Variants in WDR20 observed in about 807,000 individuals in gnomAD.
WDR20 encodes WD repeat domain 20.
WDR20 carries 3 observed loss-of-function variants against 38.7 expected under a neutral mutation model. The observed-to-expected ratio is 0.08, with a 90% CI of 0.04 to 0.20. The LOEUF is 0.20. Among genes scored for constraint, WDR20 ranks in the 10% least tolerant of loss-of-function variants. The pLI is 1.00. For synonymous variants in WDR20, 298 were observed against 285.6 expected, an observed-to-expected ratio of 1.04 and a Z score of -0.44; for missense variants, 559 against 727.7, an observed-to-expected ratio of 0.77 and a Z score of 2.67.
At chr14:102,157,856 T>G (rs759094332) in intron 1 of WDR20, among the ~76,000 whole-genome samples, 16 of 152,152 alleles carry the variant, frequency 1.1e-4, no homozygotes, top group Non-Finnish European at 2.1e-4. Flanking sequence ...TGTTGGCCTC[T>G]TTTAGAATTC....
chr14:102,173,765 C>T (rs910741849), intron 1 of WDR20, among the ~76,000 whole-genome samples: 6 of 152,062 alleles, frequency 3.9e-5, no homozygotes, highest in South Asian at 4.1e-4. Context: ...GAATAACTAG[C>T]CGGGCGAGGT....
intron 1 of WDR20, among the ~76,000 whole-genome samples, chr14:102,161,655 G>A (rs989949499): frequency 5.3e-5 from 8 of 152,084 alleles, no homozygotes; most frequent in African/African-American, 1.9e-4. Flanking sequence ...AAATTCCACA[G>A]GTACAGTGGG....
At chr14:102,219,026 T>C (rs1216679284), downstream of WDR20, among the ~76,000 whole-genome samples, 1 of 152,126 alleles carries the variant, frequency 6.6e-6, no homozygotes, top group Non-Finnish European at 1.5e-5. Context: ...GCAGGCGGAT[T>C]GGGGCAGCAG....
chr14:102,139,550 T>G (rs1003312931), upstream of WDR20: 83 of 851,202 alleles, frequency 9.8e-5, no homozygotes, highest in Admixed American at 1.2e-4. Context: ...CACCTCAGGC[T>G]CATGACACCA....
At chr14:102,174,340 A>C (rs771412789) in intron 1 of WDR20, among the ~76,000 whole-genome samples, 7 of 152,114 alleles carry the variant, frequency 4.6e-5, no homozygotes, top group African/African-American at 1.7e-4. Flanking sequence ...TAGCGGTTGT[A>C]CTAGTTTACA....
At chr14:102,183,255 C>G (rs896511749) in intron 1 of WDR20, among the ~76,000 whole-genome samples, 3 of 152,342 alleles carry the variant, frequency 2.0e-5, no homozygotes, top group East Asian at 1.9e-4. Flanking sequence ...AAGATCAGCT[C>G]TCTGTTACCC....
chr14:102,197,335 G>T (rs1352816663), intron 2 of WDR20, among the ~76,000 whole-genome samples: 2 of 152,230 alleles, frequency 1.3e-5, no homozygotes, highest in Admixed American at 6.5e-5. Context: ...TACTGGGCAC[G>T]TGTCAGCACA....
intron 1 of WDR20, among the ~76,000 whole-genome samples, chr14:102,192,113 G>A (rs2058607878): frequency 6.6e-6 from 1 of 151,990 alleles, no homozygotes; most frequent in Non-Finnish European, 1.5e-5. Context: ...CAAGAGCAGT[G>A]ACCTAAGAAG....
intron 1 of WDR20, among the ~76,000 whole-genome samples, chr14:102,190,215 A>G (rs2065975839): frequency 6.6e-6 from 1 of 152,146 alleles, no homozygotes; most frequent in Admixed American, 6.6e-5. Context: ...GGTGACTAGG[A>G]TTGGATTGGA....
intron 1 of WDR20, among the ~76,000 whole-genome samples, chr14:102,164,199 T>C (rs947984469): frequency 6.6e-6 from 1 of 151,742 alleles, no homozygotes; most frequent in African/African-American, 2.4e-5. Flanking sequence ...CCTCTACCCT[T>C]AGACTCATGA....
chr14:102,168,039 A>G (rs1355103502), intron 1 of WDR20, among the ~76,000 whole-genome samples: 1 of 152,196 alleles, frequency 6.6e-6, no homozygotes, highest in Non-Finnish European at 1.5e-5. Flanking sequence ...GTTTGGTGAC[A>G]TGATATATTT....
rs1206213953 is a variant in WDR20, at chr14:102,221,906, TG to T, written c.1693-920del. Among the ~76,000 whole-genome samples the T allele has an allele frequency of 1.3e-5, 2 of 152,212 alleles. No homozygotes were observed. Among genetic ancestry groups the T allele is most frequent in the African/African-American group, 2.4e-5 (1 of 41,434 alleles). ...TCCCAGAGCTGAAAATGTGCACCTT[TG>T]GGGCTGCACTGTCGCCATCTTAATG... On this transcript the variant is annotated intron_variant, in intron 3 of 3. Coordinates refer to the WDR20 transcript ENST00000335263. The surrounding 1 kb of genome is among the most constrained non-coding windows in gnomAD (Gnocchi z 4.8).
At chr14:102,176,330 G>A (rs1178824171) in intron 1 of WDR20, among the ~76,000 whole-genome samples, 1 of 151,966 alleles carries the variant, frequency 6.6e-6, no homozygotes, top group African/African-American at 2.4e-5. Context: ...AGGAGGCAGA[G>A]GTTGCAGTGA....
In WDR20 at chr14:102,222,720, A is replaced by G; in HGVS notation, c.1693-110A>G. 1 of 1,145,794 alleles carries G rather than the reference A, an allele frequency of 8.7e-7. No individual in the cohort carries two copies. The highest frequency in any genetic ancestry group is 1.3e-6 in the Non-Finnish European group (1 of 761,180). 71.0% of individuals were successfully genotyped at this position (1,145,794 alleles called of 1,614,324 possible). A position where few individuals can be genotyped will look rare whatever the true frequency, so the allele number is the denominator to read the frequency against. ...AGGGTTTGCTCCCACACTGGCTTCC[A>G]CATCAACAGCACCAGTTTTGACCAC... On this transcript the variant is annotated intron_variant, in intron 3 of 3. Coordinates refer to the WDR20 transcript ENST00000335263. This position sits in a 1 kb window ranked among gnomAD's most constrained non-coding sequence, Gnocchi z 4.4.
chr14:102,193,562 C>T, intron 1 of WDR20: 1 of 1,583,454 alleles, frequency 6.3e-7, no homozygotes, highest in South Asian at 1.1e-5. Context: ...ATTCCTTTGC[C>T]CTGGGGCTCC....
downstream of WDR20, among the ~76,000 whole-genome samples, chr14:102,210,844 G>A (rs1168188332): frequency 6.6e-6 from 1 of 152,188 alleles, no homozygotes; most frequent in Non-Finnish European, 1.5e-5. Flanking sequence ...ACTTCTCCCT[G>A]ACATGGCCCT....
In WDR20 at chr14:102,178,157, T is replaced by C. The variant is rs1444850314; in HGVS notation, c.250-16781T>C. ...CTGTAATCCCAGCACTTTGGGAGGC[T>C]GAGGTGGGTGGATCGCTTGAGGTCA... On this transcript the variant is annotated intron_variant, in intron 1 of 2. Transcript: ENST00000342702. Among the ~76,000 whole-genome samples, 297 of 151,752 alleles carry C rather than the reference T, an allele frequency of 2.0e-3. 2 individuals are homozygous for C. The highest frequency in any genetic ancestry group is 3.7e-3 in the Non-Finnish European group (252 of 67,686).
At chr14:102,172,926 C>T (rs994964485) in intron 1 of WDR20, among the ~76,000 whole-genome samples, 1 of 149,522 alleles carries the variant, frequency 6.7e-6, no homozygotes, top group African/African-American at 2.4e-5. Context: ...TCCTCACCTC[C>T]CAGACGGGGT....
chr14:102,143,983 C>T (rs2052553574), intron 1 of WDR20, among the ~76,000 whole-genome samples: 1 of 150,096 alleles, frequency 6.7e-6, no homozygotes, highest in Non-Finnish European at 1.5e-5. Context: ...TTGAGACCAG[C>T]CTGGATAATA....
Sources: gnomAD v4.1 joint callset for allele counts (sites outside exome capture counted in the v4.1 genomes callset) on GRCh38, gnomAD v4.1.1 for gene constraint, Gnocchi (gnomAD v3.1) non-coding constraint, MANE v1.5 for transcripts, NCBI Gene and HGNC (gene_info 2026-07-23, HGNC 2026-07-21) for gene names.